Variants in CYB561D1 observed in about 807,000 individuals in gnomAD.
CYB561D1 encodes the protein probable transmembrane reductase CYB561D1.
Under a neutral mutation model 19.2 loss-of-function variants are expected in CYB561D1, and 15 were observed. That is an observed-to-expected ratio of 0.78 (90% confidence interval 0.52 to 1.20). The LOEUF is 1.20. CYB561D1 is among the 50% of genes most tolerant of loss of function. CYB561D1 has a pLI of 0.00. For synonymous variants in CYB561D1, 133 were observed against 120.6 expected (o/e 1.10, Z -0.68); for missense variants, 297 against 287.3 (o/e 1.03, Z -0.24).
In CYB561D1 at chr1:109,498,308, C is replaced by T. The variant is rs1401609731; in HGVS notation, c.*2049C>T. Reference sequence around the variant, plus strand: ...TTGCGTGGGCTGTGCCATCTGATGTCTATTCCCAGCCCTGGGAGGAAGGGG... The same window carrying T: ...TTGCGTGGGCTGTGCCATCTGATGTTTATTCCCAGCCCTGGGAGGAAGGGG... On this transcript the variant is annotated 3_prime_UTR_variant, in exon 3 of 3. Transcript: ENST00000420578. 3 of 152,356 alleles carry T rather than the reference C, an allele frequency of 2.0e-5. No individual in the cohort carries two copies. The highest frequency in any genetic ancestry group is 4.4e-5 in the Non-Finnish European group (3 of 68,128). The allele number at this position is 152,356 out of a possible 1,614,324, so 9.4% of individuals were successfully genotyped here.
At chr1:109,495,627 T>A in intron 2 of CYB561D1, 129 bp from the exon 3 acceptor site, 1 of 1,535,788 alleles carries the variant, frequency 6.5e-7, no homozygotes, top group South Asian at 1.3e-5. Context: ...GCTGTGAGGC[T>A]GGTGGTCCTG....
chr1:109,495,094 G>A, intron 1 of CYB561D1, 49 bp from the exon 2 acceptor site: 1 of 1,606,400 alleles, frequency 6.2e-7, no homozygotes. Context: ...TAGCTACAGG[G>A]GCAGGAACAA....
intron 1 of CYB561D1, among the ~76,000 whole-genome samples, 169 bp from the exon 2 acceptor site, chr1:109,494,974 G>A (rs552994860): frequency 6.6e-6 from 1 of 152,324 alleles, no homozygotes; most frequent in African/African-American, 2.4e-5. Context: ...GGCCCTCTTG[G>A]TTGCTCACCC....
Position 109,495,818 on chromosome 1 carries a change from C to T in CYB561D1, c.249C>T (p.Phe83=). Residue 83 remains phenylalanine, a synonymous_variant, in exon 3 of 3, where the codon TTC becomes TTT. Coordinates refer to ENST00000420578, the MANE Select transcript of CYB561D1 (RefSeq NM_182580.3). Reference sequence around the variant, plus strand: ...CACCTGAACACTCCCTGTTCTTCTTCTGCTCCCGAAAAGCACGGATCCGGC... The same window carrying T: ...CACCTGAACACTCCCTGTTCTTCTTTTGCTCCCGAAAAGCACGGATCCGGC... The part of the protein sequence containing the change: ...LFSPEHSLFF[F]CSRKARIRLH... The T allele has an allele frequency of 6.2e-7, 1 of 1,614,090 alleles. No individual in the cohort carries two copies. Among genetic ancestry groups the T allele is most frequent in the Non-Finnish European group, 8.5e-7 (1 of 1,180,052 alleles).
At position 109,494,136 on chromosome 1, in the gene CYB561D1, G is replaced by A; in HGVS notation, c.-4G>A. The A allele has an allele frequency of 1.3e-6, 2 of 1,508,168 alleles. No individual in the cohort carries two copies. Among genetic ancestry groups the A allele is most frequent in the African/African-American group, 1.4e-5 (1 of 72,006 alleles). The allele number at this position is 1,508,168 out of a possible 1,614,324, so 93.4% of individuals were successfully genotyped here. A position where few individuals can be genotyped will look rare whatever the true frequency, so the allele number is the denominator to read the frequency against. On this transcript the variant is annotated 5_prime_UTR_variant, in exon 1 of 3. Coordinates refer to ENST00000420578, the MANE Select transcript of CYB561D1 (RefSeq NM_182580.3). The stretch of plus-strand genomic sequence containing the variant: ...TGGAGTGTACGGGCCCGCGGGCCAC[G>A]GCCATGCAGCCCCTGGAGGTAGGTC...
At chr1:109,494,478 G>A (rs1349643582) in intron 1 of CYB561D1, 191 bp downstream of exon 1, 3 of 1,547,332 alleles carry the variant, frequency 1.9e-6, no homozygotes, top group East Asian at 2.5e-5. Flanking sequence ...GGGTGCTGTG[G>A]GGGAAGGGCA....
In CYB561D1 at chr1:109,497,973, C is replaced by A. The variant is rs1657665029; in HGVS notation, c.*1714C>A. ...AGAGGGGTATTGTTCCTGTCTCTTT[C>A]ATTGTCCTCCCTCCTCTCAAACTCT... On this transcript the variant is annotated 3_prime_UTR_variant, in exon 3 of 3. Coordinates refer to ENST00000420578, the MANE Select transcript of CYB561D1 (RefSeq NM_182580.3). 1 of 152,260 alleles carries A rather than the reference C, an allele frequency of 6.6e-6. No individual in the cohort carries two copies. Among genetic ancestry groups the A allele is most frequent in the African/African-American group, 2.4e-5 (1 of 41,446 alleles). The allele number at this position is 152,260 out of a possible 1,614,324, so 9.4% of individuals were successfully genotyped here.
chr1:109,495,452 G>A (rs745911099), intron 2 of CYB561D1, among the ~76,000 whole-genome samples: 2 of 152,264 alleles, frequency 1.3e-5, no homozygotes, highest in Non-Finnish European at 2.9e-5. Context: ...GGTGTTATCC[G>A]GTCATCTCCC....
chr1:109,495,785 A>G lies in CYB561D1; in HGVS notation c.216A>G (p.Leu72=). The change falls in exon 3 of 3, where the codon CTA becomes CTG. Residue 72 remains leucine, a synonymous_variant. Coordinates refer to ENST00000420578, the MANE Select transcript of CYB561D1 (RefSeq NM_182580.3). ...AFCLCMAEAI[L]LFSPEHSLFF... is the part of the protein sequence containing the mutation. The stretch of plus-strand genomic sequence containing the variant: ...GCCTCTGCATGGCTGAAGCCATCCT[A>G]CTCTTCTCACCTGAACACTCCCTGT... The G allele has an allele frequency of 6.2e-7, 1 of 1,613,820 alleles. No individual in the cohort carries two copies. The highest frequency in any genetic ancestry group is 1.1e-5 in the South Asian group (1 of 91,070).
At chr1:109,495,659 C>G (rs1275015900) in intron 2 of CYB561D1, 97 bp from the exon 3 acceptor site, 2 of 1,602,648 alleles carry the variant, frequency 1.2e-6, no homozygotes, top group Non-Finnish European at 1.7e-6. Flanking sequence ...TTAACCCTTA[C>G]CCTTTGTCCT....
Position 109,496,189 on chromosome 1 carries a change from T to C in CYB561D1, c.620T>C (p.Val207Ala). ...AAWYLCLALPVYPALVIMHQI... is the reference protein window; with the variant it reads ...AAWYLCLALPAYPALVIMHQI... ...TGGTACCTGTGCCTGGCACTGCCCG[T>C]CTATCCAGCCCTGGTGATCATGCAC... The change falls in exon 3 of 3, where the codon GTC (valine) becomes GCC (alanine). Residue 207 changes from valine to alanine, a missense_variant. Transcript: ENST00000420578. 1 of 1,609,654 alleles carries C rather than the reference T, an allele frequency of 6.2e-7. No individual in the cohort carries two copies. Among genetic ancestry groups the C allele is most frequent in the South Asian group, 1.1e-5 (1 of 90,946 alleles).
rs1015744157 is a variant in CYB561D1, at chr1:109,495,772, C to G, written c.203C>G (p.Ala68Gly). The change falls in exon 3 of 3, where the codon GCT becomes GGT. Residue 68 changes from alanine to glycine, a missense_variant. Coordinates refer to ENST00000420578, the MANE Select transcript of CYB561D1 (RefSeq NM_182580.3). Reference protein sequence around the residue: ...FMALAFCLCMAEAILLFSPEH... With the variant: ...FMALAFCLCMGEAILLFSPEH... ...TGTTCACAGTTCTGCCTCTGCATGGCTGAAGCCATCCTACTCTTCTCACCT... is the reference window on the plus strand; with the variant it reads ...TGTTCACAGTTCTGCCTCTGCATGGGTGAAGCCATCCTACTCTTCTCACCT... 2.5e-6 allele frequency: 4 copies of G among 1,614,106 alleles called. No individual in the cohort carries two copies. In the African/African-American group the frequency reaches 5.3e-5, roughly 22 times the overall value.
Position 109,494,138 on chromosome 1 carries a change from C to A in CYB561D1, c.-2C>A. The stretch of plus-strand genomic sequence containing the variant: ...GAGTGTACGGGCCCGCGGGCCACGG[C>A]CATGCAGCCCCTGGAGGTAGGTCTG... On this transcript the variant is annotated 5_prime_UTR_variant, in exon 1 of 3. Transcript: ENST00000420578. 6.6e-7 allele frequency: 1 copy of A among 1,514,462 alleles called. No individual in the cohort carries two copies. Among genetic ancestry groups the A allele is most frequent in the Non-Finnish European group, 8.9e-7 (1 of 1,126,552 alleles). The allele number at this position is 1,514,462 out of a possible 1,614,324, so 93.8% of individuals were successfully genotyped here. A position where few individuals can be genotyped will look rare whatever the true frequency, so the allele number is the denominator to read the frequency against.
rs1557879034 is a variant in CYB561D1 at position 109,495,131 on chromosome 1, TTTGA to T, written c.149-9_149-6del. 6.2e-7 allele frequency: 1 copy of T among 1,614,210 alleles called. No homozygotes were observed. Among genetic ancestry groups the T allele is most frequent in the Admixed American group, 1.7e-5 (1 of 60,030 alleles). ...GGTACCAAGCCCTCAGCCTGTTCTC[TTTGA>T]TTCTTAGGTCTTTTCTCCTGGCACC... is the stretch of plus-strand genomic sequence containing the variant. On this transcript the variant is annotated splice_region_variant and splice_polypyrimidine_tract_variant and intron_variant, in intron 1 of 2. Transcript: ENST00000420578.
In CYB561D1 at chr1:109,499,109, C is replaced by T. The variant is rs1164441563; in HGVS notation, c.*2850C>T. 6.6e-6 allele frequency: 1 copy of T among 152,132 alleles called. No homozygotes were observed. The highest frequency in any genetic ancestry group is 2.4e-5 in the African/African-American group (1 of 41,430). 9.4% of individuals were successfully genotyped at this position (152,132 alleles called of 1,614,324 possible). A position where few individuals can be genotyped will look rare whatever the true frequency, so the allele number is the denominator to read the frequency against. ...TACCCCTCCCAAGCCCCCGTCTTTT[C>T]TGTAACCACCCCTCCTCTGAGCCCC... On this transcript the variant is annotated 3_prime_UTR_variant, in exon 3 of 3. Transcript: ENST00000420578.
intron 1 of CYB561D1, chr1:109,494,546 A>C: frequency 6.7e-7 from 1 of 1,482,682 alleles, no homozygotes; most frequent in South Asian, 1.2e-5. Context: ...GGAGGATAGA[A>C]GTGAAGGAGG....
Position 109,495,889 on chromosome 1 carries a change from G to A in CYB561D1, c.320G>A (p.Gly107Asp). The A allele has an allele frequency of 6.2e-7, 1 of 1,613,920 alleles. No individual in the cohort carries two copies. Among genetic ancestry groups the A allele is most frequent in the Non-Finnish European group, 8.5e-7 (1 of 1,180,044 alleles). The change falls in exon 3 of 3, where the codon GGC becomes GAC. Residue 107 changes from glycine to aspartate, a missense_variant. Transcript: ENST00000420578. ...CTAGCCATCCTCTGTGCAGCTCTGG[G>A]CCTGGGCTTCATCATCTCCAGCAGG... is the stretch of plus-strand genomic sequence containing the variant. ...QTLAILCAAL[G>D]LGFIISSRTR...
At position 109,498,899 on chromosome 1, in the gene CYB561D1, A is replaced by T. The variant is rs1009685602; in HGVS notation, c.*2640A>T. ...AGGGCAGGGTGCTTAGATTTTAAAA[A>T]TTTGCGTGTCATTTGCACAAATTTT... On this transcript the variant is annotated 3_prime_UTR_variant, in exon 3 of 3. Coordinates refer to ENST00000420578, the MANE Select transcript of CYB561D1 (RefSeq NM_182580.3). The T allele has an allele frequency of 2.0e-5, 3 of 150,972 alleles. No individual in the cohort carries two copies. In the East Asian group the frequency reaches 5.8e-4, roughly 29 times the overall value. The allele number at this position is 150,972 out of a possible 1,614,324, so 9.4% of individuals were successfully genotyped here. A position where few individuals can be genotyped will look rare whatever the true frequency, so the allele number is the denominator to read the frequency against.
rs757667428 is a variant in CYB561D1 at position 109,494,276 on chromosome 1, G to A, written c.137G>A (p.Arg46Gln). The A allele has an allele frequency of 1.3e-6, 2 of 1,587,610 alleles. No individual in the cohort carries two copies. The highest frequency in any genetic ancestry group is 1.1e-5 in the South Asian group (1 of 87,280). ...GFTIFLTALSRPGTSLFSWHP... is the reference protein window; with the variant it reads ...GFTIFLTALSQPGTSLFSWHP... ...ACCATCTTTCTGACAGCGCTGTCCC[G>A]GCCAGGAACCAGTGAGTGTGCGGGG... The change falls in exon 1 of 3, where the codon CGG (arginine) becomes CAG (glutamine). Residue 46 changes from arginine (R) to glutamine (Q), a missense_variant. Physicochemically the swap from Arg to Gln is conservative, Grantham distance 43 (BLOSUM62 1). Transcript: ENST00000420578.
Sources: allele counts gnomAD v4.1 joint callset (sites outside exome capture counted in the v4.1 genomes callset), GRCh38; gene constraint gnomAD v4.1.1; transcripts MANE v1.5; gene names NCBI Gene and HGNC (gene_info 2026-07-23, HGNC 2026-07-21).